The following PGM5 variants were observed in gnomAD, a reference collection of about 807,000 sequenced individuals.
PGM5 encodes the protein phosphoglucomutase 5, also known as phosphoglucomutase-like protein 5.
In PGM5, 23 loss-of-function variants were observed where a neutral mutation model predicts 59.2. The ratio of observed to expected loss-of-function variants is 0.39; its 90% CI spans 0.28 to 0.55. The LOEUF is 0.55. Among genes scored for constraint, PGM5 ranks in the 20% least tolerant of loss-of-function variants. The pLI is 0.66. For synonymous variants in PGM5, 214 were observed against 286.0 expected, an observed-to-expected ratio of 0.75 and a Z score of 2.54; for missense variants, 574 against 748.3, an observed-to-expected ratio of 0.77 and a Z score of 2.72.
intron 6 of PGM5, among the ~76,000 whole-genome samples, chr9:68,409,453 T>G (rs1213799094): frequency 4.8e-4 from 60 of 126,158 alleles, no homozygotes; most frequent in South Asian, 1.5e-3. Flanking sequence ...TTATTCACAA[T>G]AGCAAAGACT....
intron 1 of PGM5, among the ~76,000 whole-genome samples, chr9:68,376,507 G>A (rs1487297058): frequency 1.8e-4 from 27 of 151,098 alleles, no homozygotes; most frequent in Non-Finnish European, 3.0e-4. Context: ...GTGTGTGTGT[G>A]TGTGTGTGTG....
intron 9 of PGM5, among the ~76,000 whole-genome samples, chr9:68,489,469 C>CTTTTT (rs797028640): frequency 2.2e-5 from 3 of 135,548 alleles, no homozygotes; most frequent in African/African-American, 5.5e-5. Context: ...TTTTTCTTTT[C>CTTTTT]TTTTTTTTTT....
At chr9:68,378,542 G>A (rs1411910163) in intron 2 of PGM5, among the ~76,000 whole-genome samples, 181 bp downstream of exon 2, 1 of 152,064 alleles carries the variant, frequency 6.6e-6, no homozygotes, top group African/African-American at 2.4e-5. Flanking sequence ...GAACCCATTT[G>A]GGTGGTCTCT....
At chr9:68,423,250 T>C (rs1434465786) in intron 6 of PGM5, among the ~76,000 whole-genome samples, 1 of 152,174 alleles carries the variant, frequency 6.6e-6, no homozygotes, top group East Asian at 1.9e-4. Context: ...AGTAGTGGGA[T>C]TGCTGGATCA....
At chr9:68,436,570 T>A (rs1184090980) in intron 6 of PGM5, among the ~76,000 whole-genome samples, 2 of 152,230 alleles carry the variant, frequency 1.3e-5, no homozygotes, top group Non-Finnish European at 2.9e-5. Context: ...TTTCTCTTTC[T>A]GAGACCTGGT....
chr9:68,430,935 T>C (rs1823334149), intron 6 of PGM5, among the ~76,000 whole-genome samples: 1 of 152,230 alleles, frequency 6.6e-6, no homozygotes, highest in African/African-American at 2.4e-5. Context: ...TAAATAGTCC[T>C]TAGCAACCAA....
At position 68,357,388 on chromosome 9, in the gene PGM5, G is replaced by A; in HGVS notation, c.261G>A (p.Gly87=). 1 of 1,557,396 alleles carries A rather than the reference G, an allele frequency of 6.4e-7. No individual in the cohort carries two copies. The highest frequency in any genetic ancestry group is 8.7e-7 in the Non-Finnish European group (1 of 1,154,230). ...EIVVQMAAAN[G]IGRLIIGQNG... ...TGGTGCAGATGGCCGCGGCCAACGGGGTGAGTGTCCGGATGCCCCTCGCTT... is the reference window on the plus strand; with the variant it reads ...TGGTGCAGATGGCCGCGGCCAACGGAGTGAGTGTCCGGATGCCCCTCGCTT... Residue 87 remains glycine, a splice_region_variant and synonymous_variant, in exon 1 of 11, where the codon GGG becomes GGA. Transcript: ENST00000396396.
At chr9:68,372,605 C>T (rs187869842) in intron 1 of PGM5, among the ~76,000 whole-genome samples, 1 of 152,198 alleles carries the variant, frequency 6.6e-6, no homozygotes, top group African/African-American at 2.4e-5. Context: ...AGCCTTCACC[C>T]CTGCCATCAC....
At chr9:68,496,264 C>A (rs1360130489) in intron 9 of PGM5, among the ~76,000 whole-genome samples, 2 of 152,206 alleles carry the variant, frequency 1.3e-5, no homozygotes, top group Non-Finnish European at 2.9e-5. Flanking sequence ...TGGCTCGTGT[C>A]TGGGTTGCAA....
intron 1 of PGM5, among the ~76,000 whole-genome samples, chr9:68,372,288 C>T (rs1554677227): frequency 1.3e-5 from 2 of 149,874 alleles, no homozygotes; most frequent in African/African-American, 4.9e-5. Flanking sequence ...CCCGCCTCTT[C>T]CAGCTTCTGG....
intron 9 of PGM5, among the ~76,000 whole-genome samples, chr9:68,484,373 CAAAAAAA>C (rs1188951508): frequency 6.6e-5 from 7 of 106,336 alleles, no homozygotes; most frequent in Non-Finnish European, 1.0e-4. Flanking sequence ...CCATCTCTAC[CAAAAAAA>C]AAAAAAAAAA....
At chr9:68,479,888 A>C (rs377571035) in intron 8 of PGM5, among the ~76,000 whole-genome samples, 2 of 147,522 alleles carry the variant, frequency 1.4e-5, no homozygotes, top group African/African-American at 2.5e-5. Flanking sequence ...CCGCCACTGC[A>C]CTCCAGCCTG....
intron 9 of PGM5, among the ~76,000 whole-genome samples, chr9:68,487,034 A>G (rs969520830): frequency 3.3e-5 from 5 of 152,202 alleles, no homozygotes; most frequent in Admixed American, 2.0e-4. Context: ...TTTGATTTCT[A>G]TAAGGAGAAA....
intron 8 of PGM5, 89 bp downstream of exon 8, chr9:68,479,642 A>G: frequency 1.4e-6 from 2 of 1,392,550 alleles, no homozygotes; most frequent in Non-Finnish European, 2.0e-6. Context: ...AACCTTAAAA[A>G]GGAGGCATCA....
At chr9:68,460,821 A>G (rs1038616000) in intron 6 of PGM5, among the ~76,000 whole-genome samples, 2 of 152,216 alleles carry the variant, frequency 1.3e-5, no homozygotes, top group Non-Finnish European at 2.9e-5. Flanking sequence ...AAGACATACA[A>G]GATGCAATTC....
intron 6 of PGM5, among the ~76,000 whole-genome samples, chr9:68,431,578 A>C (rs925258812): frequency 2.6e-5 from 4 of 152,232 alleles, no homozygotes; most frequent in African/African-American, 9.6e-5. Flanking sequence ...CAACCTGTCC[A>C]CAGTTCTGAA....
intron 1 of PGM5, among the ~76,000 whole-genome samples, chr9:68,359,356 G>A (rs1367935603): frequency 6.6e-6 from 1 of 152,116 alleles, no homozygotes; most frequent in African/African-American, 2.4e-5. Flanking sequence ...TAGAAGCATC[G>A]ACTCTTAAAT....
chr9:68,463,170 G>C (rs1416733305), intron 6 of PGM5, among the ~76,000 whole-genome samples: 2 of 151,420 alleles, frequency 1.3e-5, no homozygotes, highest in Non-Finnish European at 2.9e-5. Context: ...CCCATGGCAA[G>C]AGTTTCTAGA....
At chr9:68,375,227 C>T (rs1371977096) in intron 1 of PGM5, among the ~76,000 whole-genome samples, 3 of 152,202 alleles carry the variant, frequency 2.0e-5, no homozygotes, top group African/African-American at 7.2e-5. Flanking sequence ...CACACAATCA[C>T]TTCTGCAATA....
Sources: gnomAD v4.1 joint callset for allele counts (sites outside exome capture counted in the v4.1 genomes callset) on GRCh38, gnomAD v4.1.1 for gene constraint, MANE v1.5 for transcripts, NCBI Gene and HGNC (gene_info 2026-07-23, HGNC 2026-07-21) for gene names.